The following HRH1 variants were observed in gnomAD, a reference collection of about 807,000 sequenced individuals.
HRH1 encodes the protein histamine H1 receptor.
HRH1 carries 6 observed loss-of-function variants against 10.3 expected under a neutral mutation model. The observed-to-expected ratio is 0.58, with a 90% CI of 0.32 to 1.15. The LOEUF is 1.15. Among genes scored for constraint, HRH1 ranks in the 50% most tolerant of loss-of-function variants. The probability of loss-of-function intolerance (pLI) is 0.05; values close to 1 mark genes in which losing one functional copy is unlikely to be tolerated. For missense variants in HRH1, 514 were observed against 615.3 expected (o/e 0.84, Z 1.74); for synonymous variants, 242 against 236.7 (o/e 1.02, Z -0.21).
intron 1 of HRH1, among the ~76,000 whole-genome samples, chr3:11,155,820 A>C (rs1574978489): frequency 6.6e-6 from 1 of 152,130 alleles, no homozygotes; most frequent in East Asian, 1.9e-4. Flanking sequence ...ACCAGCAGAG[A>C]CTGGGAGAGA....
chr3:11,198,619 C>T (rs1338714497), intron 1 of HRH1, among the ~76,000 whole-genome samples: 3 of 151,814 alleles, frequency 2.0e-5, no homozygotes, highest in Non-Finnish European at 2.9e-5. Context: ...CTCCCATAAT[C>T]CCAGTGCTTT....
chr3:11,203,661 G>T (rs1011873661), intron 1 of HRH1, among the ~76,000 whole-genome samples: 5 of 152,274 alleles, frequency 3.3e-5, no homozygotes, highest in Middle Eastern at 3.4e-3. Flanking sequence ...CAACTTGACT[G>T]TATTTATGTC....
chr3:11,224,542 C>CA (rs887410222), intron 1 of HRH1, among the ~76,000 whole-genome samples: 3 of 151,670 alleles, frequency 2.0e-5, no homozygotes, highest in African/African-American at 7.3e-5. Flanking sequence ...CTAAAAAATA[C>CA]AAAAAAAATT....
intron 1 of HRH1, among the ~76,000 whole-genome samples, chr3:11,207,496 G>T (rs576742449): frequency 6.6e-6 from 1 of 152,192 alleles, no homozygotes; most frequent in South Asian, 2.1e-4. Context: ...GTGAACCTGG[G>T]AGGCGGAGCT....
chr3:11,259,668 GC>G lies in HRH1; in HGVS notation c.633del (p.Lys212ArgfsTer28). ...LPTLLMLWFYAKIYKAVRQHC... is the reference protein window; with the variant it reads ...LPTLLMLWFYXKIYKAVRQHC... ...CACCTTGCTCATGCTCTGGTTCTAT[GC>G]CAAGATCTACAAGGCCGTACGACAA... On this transcript the variant is annotated frameshift_variant, in exon 2 of 2. Coordinates refer to ENST00000431010, the MANE Select transcript of HRH1 (RefSeq NM_001098212.2). LOFTEE classifies it low-confidence loss of function (END_TRUNC). This position sits in a 1 kb window ranked among gnomAD's most constrained non-coding sequence, Gnocchi z 4.6. The G allele has an allele frequency of 6.2e-7, 1 of 1,613,890 alleles. No homozygotes were observed. Among genetic ancestry groups the G allele is most frequent in the Non-Finnish European group, 8.5e-7 (1 of 1,179,984 alleles).
intron 1 of HRH1, among the ~76,000 whole-genome samples, chr3:11,245,010 A>G (rs759579547): frequency 2.0e-5 from 3 of 152,198 alleles, no homozygotes; most frequent in Non-Finnish European, 4.4e-5. Flanking sequence ...GCTCCCCACA[A>G]TGAAGAGTCA....
intron 1 of HRH1, among the ~76,000 whole-genome samples, chr3:11,245,189 C>G (rs1399151358): frequency 6.6e-6 from 1 of 152,076 alleles, no homozygotes; most frequent in East Asian, 1.9e-4. Flanking sequence ...CCCGTCTCTA[C>G]TAAAAATACA....
rs58792725 is a variant in HRH1 at position 11,148,180 on chromosome 3, C to CAA, written c.-36+10798_-36+10799dup. 3.6e-3 allele frequency among the ~76,000 whole-genome samples: 313 copies of CAA among 85,978 alleles called. 1 individual carries two copies. Among genetic ancestry groups the CAA allele is most frequent in the African/African-American group, 0.013 (298 of 23,458 alleles). The allele number at this position is 85,978 out of a possible 152,430, so 56.4% of individuals were successfully genotyped here. A position where few individuals can be genotyped will look rare whatever the true frequency, so the allele number is the denominator to read the frequency against. On this transcript the variant is annotated intron_variant, in intron 1 of 1. Coordinates refer to the HRH1 transcript ENST00000438284. ...AGCAACAGAGTGAGACTCTGTCAAA[C>CAA]AAAAAAAAAAAAAAAAAAGAAAAGA...
intron 1 of HRH1, among the ~76,000 whole-genome samples, chr3:11,253,480 G>A (rs1383045709): frequency 6.6e-6 from 1 of 152,154 alleles, no homozygotes. Context: ...CCTTGTCCGA[G>A]GGGGTCTTCT....
chr3:11,181,183 T>C (rs891095187), intron 1 of HRH1, among the ~76,000 whole-genome samples: 1 of 152,112 alleles, frequency 6.6e-6, no homozygotes, highest in African/African-American at 2.4e-5. Context: ...CTCAGGAGGC[T>C]GAGAGGCAGG....
In HRH1 at chr3:11,171,256, ACAGG is replaced by A. The variant is rs561766920; in HGVS notation, c.-36+16705_-36+16708del. Among the ~76,000 whole-genome samples, 534 of 152,112 alleles carry A rather than the reference ACAGG, an allele frequency of 3.5e-3. 3 individuals are homozygous for A. Among genetic ancestry groups the A allele is most frequent in the African/African-American group, 0.012 (497 of 41,482 alleles). ...CTCAGCCTCCCAAGTAGCTGGGATTACAGGCATGCACCACCACACCCGGCTAATG... is the reference window on the plus strand; with the variant it reads ...CTCAGCCTCCCAAGTAGCTGGGATTACATGCACCACCACACCCGGCTAATG... On this transcript the variant is annotated intron_variant, in intron 1 of 1. Transcript: ENST00000431010.
At chr3:11,161,612 C>T (rs1936923297) in intron 1 of HRH1, among the ~76,000 whole-genome samples, 1 of 152,188 alleles carries the variant, frequency 6.6e-6, no homozygotes, top group Non-Finnish European at 1.5e-5. Context: ...CTGGTAGGGT[C>T]TGCATTCATA....
intron 1 of HRH1, among the ~76,000 whole-genome samples, chr3:11,186,855 T>C (rs1937459358): frequency 6.6e-6 from 1 of 152,184 alleles, no homozygotes. Context: ...GAATTTAGTA[T>C]GTATGAAAGG....
chr3:11,224,294 A>G (rs1938808266), intron 1 of HRH1, among the ~76,000 whole-genome samples: 1 of 152,202 alleles, frequency 6.6e-6, no homozygotes, highest in East Asian at 1.9e-4. Flanking sequence ...ACACACTGAT[A>G]GCTTATCAGC....
chr3:11,212,254 G>A (rs1938352798), intron 1 of HRH1, among the ~76,000 whole-genome samples: 1 of 152,138 alleles, frequency 6.6e-6, no homozygotes, highest in African/African-American at 2.4e-5. Flanking sequence ...TCCTTCAAAT[G>A]AGAAGGAAAA....
intron 1 of HRH1, among the ~76,000 whole-genome samples, chr3:11,197,606 G>C (rs1348254161): frequency 6.6e-6 from 1 of 152,172 alleles, no homozygotes; most frequent in Non-Finnish European, 1.5e-5. Flanking sequence ...ATAAAAAGTA[G>C]ATAAAGTAAT....
At chr3:11,218,931 C>T (rs1348378915) in intron 1 of HRH1, among the ~76,000 whole-genome samples, 1 of 152,046 alleles carries the variant, frequency 6.6e-6, no homozygotes, top group African/African-American at 2.4e-5. Context: ...TGCTCTGTTG[C>T]CCAGGCTGGA....
chr3:11,249,542 C>G (rs1485491550), intron 1 of HRH1, among the ~76,000 whole-genome samples: 1 of 151,920 alleles, frequency 6.6e-6, no homozygotes, highest in Non-Finnish European at 1.5e-5. Context: ...AAAAATGGCT[C>G]AAGGAAGGGT....
chr3:11,159,146 A>G (rs6799878), intron 1 of HRH1, among the ~76,000 whole-genome samples: 43,394 of 151,792 alleles, frequency 0.29, 8,662 homozygotes, highest in African/African-American at 0.57. Context: ...TACTTGGGGG[A>G]ATGAGGCAGG....
Sources: allele counts gnomAD v4.1 joint callset (sites outside exome capture counted in the v4.1 genomes callset), GRCh38; gene constraint gnomAD v4.1.1; non-coding constraint Gnocchi (gnomAD v3.1); transcripts MANE v1.5; gene names NCBI Gene and HGNC (gene_info 2026-07-23, HGNC 2026-07-21).